ROBO1: variants seen among roughly 807,000 people sequenced by gnomAD.
ROBO1 encodes roundabout homolog 1.
ROBO1 carries 149 observed loss-of-function variants against 195.9 expected under a neutral mutation model. The ratio of observed to expected loss-of-function variants is 0.76; its 90% CI spans 0.67 to 0.87. The LOEUF (loss-of-function observed/expected upper bound fraction) is 0.87. ROBO1 is among the 40% of genes least tolerant of loss of function. The pLI is 0.00. For missense variants in ROBO1, 1,933 were observed against 2,068.3 expected (o/e 0.93, Z 1.27); for synonymous variants, 816 against 733.2 (o/e 1.11, Z -1.82).
intron 4 of ROBO1, among the ~76,000 whole-genome samples, chr3:78,918,430 A>T (rs2107581982): frequency 6.6e-6 from 1 of 152,240 alleles, no homozygotes; most frequent in South Asian, 2.1e-4. Context: ...CCCAGGAAAG[A>T]TTCTAACATG....
chr3:79,333,648 C>T (rs568645239), intron 2 of ROBO1, among the ~76,000 whole-genome samples: 5 of 152,268 alleles, frequency 3.3e-5, no homozygotes, highest in East Asian at 3.9e-4. Context: ...TGAAGTTGTT[C>T]CTCCAGCACA....
intron 5 of ROBO1, among the ~76,000 whole-genome samples, chr3:78,720,479 C>G (rs1333790917): frequency 6.6e-6 from 1 of 152,168 alleles, no homozygotes; most frequent in Non-Finnish European, 1.5e-5. Flanking sequence ...AATAGGAACA[C>G]TTTTACACTG....
chr3:79,705,075 A>G (rs1442401187), intron 1 of ROBO1, among the ~76,000 whole-genome samples: 2 of 151,916 alleles, frequency 1.3e-5, no homozygotes, highest in Non-Finnish European at 2.9e-5. Flanking sequence ...TATATATTTA[A>G]GACAATAATC....
intron 4 of ROBO1, among the ~76,000 whole-genome samples, chr3:78,818,853 C>G (rs190188049): frequency 6.6e-6 from 1 of 152,130 alleles, no homozygotes; most frequent in Non-Finnish European, 1.5e-5. Context: ...TGCAGTCAAC[C>G]CCGGTGTGAA....
At chr3:79,341,996 G>A (rs1238465080) in intron 2 of ROBO1, among the ~76,000 whole-genome samples, 1 of 152,046 alleles carries the variant, frequency 6.6e-6, no homozygotes, top group Non-Finnish European at 1.5e-5. Context: ...TACATGTTGA[G>A]GGAAAATGAA....
chr3:79,183,342 G>A (rs1264350097), intron 2 of ROBO1, among the ~76,000 whole-genome samples: 1 of 152,156 alleles, frequency 6.6e-6, no homozygotes, highest in African/African-American at 2.4e-5. Context: ...GCAGTAGATG[G>A]ATGAATGTGA....
Position 78,732,960 on chromosome 3 carries a change from C to T in ROBO1, c.657+13783G>A, listed in dbSNP as rs148668943. ...CCATCTGGTAGTAATTTTGTTAATG[C>T]ACAACAGATTATTTTACAAGTGTAC... On this transcript the variant is annotated intron_variant, in intron 5 of 30. Transcript: ENST00000464233. Among the ~76,000 whole-genome samples, 419 of 152,150 alleles carry T rather than the reference C, an allele frequency of 2.8e-3. 6 individuals are homozygous for T. Among genetic ancestry groups the T allele is most frequent in the African/African-American group, 9.2e-3 (380 of 41,510 alleles).
At chr3:78,892,175 C>T (rs2036941989) in intron 4 of ROBO1, among the ~76,000 whole-genome samples, 2 of 152,266 alleles carry the variant, frequency 1.3e-5, no homozygotes, top group Middle Eastern at 3.4e-3. Flanking sequence ...CCCTGGGCAA[C>T]ATGGCAAAAC....
chr3:79,314,690 T>C (rs1158273772), intron 2 of ROBO1, among the ~76,000 whole-genome samples: 3 of 152,232 alleles, frequency 2.0e-5, no homozygotes, highest in African/African-American at 4.8e-5. Flanking sequence ...TGAGTTGTTA[T>C]GTTCTCTTCG....
At chr3:79,328,236 T>C (rs1280954648) in intron 2 of ROBO1, among the ~76,000 whole-genome samples, 1 of 152,150 alleles carries the variant, frequency 6.6e-6, no homozygotes, top group Admixed American at 6.6e-5. Context: ...AAATGCATCA[T>C]TAAAACAGAG....
chr3:78,829,528 T>C (rs1243125613), intron 4 of ROBO1, among the ~76,000 whole-genome samples: 1 of 152,136 alleles, frequency 6.6e-6, no homozygotes, highest in Non-Finnish European at 1.5e-5. Flanking sequence ...GACATCTGTG[T>C]AGTAGCTAAT....
intron 1 of ROBO1, among the ~76,000 whole-genome samples, chr3:79,739,339 A>G (rs1462856621): frequency 6.6e-6 from 1 of 152,190 alleles, no homozygotes; most frequent in Non-Finnish European, 1.5e-5. Context: ...AAGATTGATC[A>G]TAGAGACAAA....
intron 2 of ROBO1, among the ~76,000 whole-genome samples, chr3:79,568,868 A>C (rs764490250): frequency 6.6e-5 from 10 of 152,174 alleles, no homozygotes; most frequent in Non-Finnish European, 1.3e-4. Context: ...TTTAAAAAAT[A>C]GGTTCTGCTG....
chr3:78,813,485 CTTAAA>C (rs150553929), intron 4 of ROBO1, among the ~76,000 whole-genome samples: 4,622 of 152,156 alleles, frequency 0.03, 183 homozygotes, highest in African/African-American at 0.095. Flanking sequence ...ATTTTCTTAA[CTTAAA>C]TTAGTTTATT....
At chr3:79,731,805 C>T (rs1703158258) in intron 1 of ROBO1, among the ~76,000 whole-genome samples, 1 of 152,104 alleles carries the variant, frequency 6.6e-6, no homozygotes. Context: ...TAAAATTCAA[C>T]TTGAGAATAT....
chr3:78,631,086 T>C (rs1705150171), intron 25 of ROBO1, 75 bp downstream of exon 25: 1 of 1,453,958 alleles, frequency 6.9e-7, no homozygotes, highest in East Asian at 2.4e-5. Flanking sequence ...CTTGACCACC[T>C]AGTATAATAA....
chr3:79,660,783 C>A (rs1946305870), intron 1 of ROBO1, among the ~76,000 whole-genome samples: 1 of 152,052 alleles, frequency 6.6e-6, no homozygotes, highest in South Asian at 2.1e-4. Context: ...CGTACAGCAA[C>A]CTCAGCCTGA....
rs192120384 is a variant in ROBO1 at position 78,956,202 on chromosome 3, G to T, written c.173-17275C>A. Among the ~76,000 whole-genome samples, 461 of 151,920 alleles carry T rather than the reference G, an allele frequency of 3.0e-3. 1 individual carries two copies. Among genetic ancestry groups the T allele is most frequent in the African/African-American group, 0.011 (441 of 41,456 alleles). On this transcript the variant is annotated intron_variant, in intron 3 of 30. Coordinates refer to ENST00000464233, the MANE Select transcript of ROBO1 (RefSeq NM_002941.4). ...ATTAGTAATCTTTATTTTCTAAAGG[G>T]GTAAGTAAATAATTCATCATTCCAA... is the stretch of plus-strand genomic sequence containing the variant.
At chr3:78,680,151 C>T (rs1003408239) in intron 10 of ROBO1, among the ~76,000 whole-genome samples, 22 of 152,272 alleles carry the variant, frequency 1.4e-4, no homozygotes, top group African/African-American at 4.1e-4. Context: ...GAAGCTGGAT[C>T]CCTTCCTTAC....
Sources: allele counts gnomAD v4.1 joint callset (sites outside exome capture counted in the v4.1 genomes callset), GRCh38; gene constraint gnomAD v4.1.1; transcripts MANE v1.5; gene names NCBI Gene and HGNC (gene_info 2026-07-23, HGNC 2026-07-21).